Variants in IKZF2 observed in about 807,000 individuals in gnomAD.
IKZF2 encodes IKAROS family zinc finger 2, also known as zinc finger protein Helios.
Under a neutral mutation model 49.2 loss-of-function variants are expected in IKZF2, and 15 were observed. The ratio of observed to expected loss-of-function variants is 0.30; its 90% CI spans 0.20 to 0.47. The LOEUF is 0.47. Among genes scored for constraint, IKZF2 ranks in the 20% least tolerant of loss-of-function variants. The pLI is 1.00. For synonymous variants in IKZF2, 227 were observed against 221.4 expected (o/e 1.03, Z -0.23); for missense variants, 567 against 664.6 (o/e 0.85, Z 1.61).
chr2:213,035,209 C>T (rs1174984277), intron 6 of IKZF2, among the ~76,000 whole-genome samples: 1 of 151,916 alleles, frequency 6.6e-6, no homozygotes, highest in African/African-American at 2.4e-5. Context: ...ATATGGAAAA[C>T]TCAAGGTACT....
chr2:213,088,690 G>A (rs564000579), intron 4 of IKZF2, among the ~76,000 whole-genome samples: 3 of 152,174 alleles, frequency 2.0e-5, no homozygotes, highest in South Asian at 2.1e-4. Flanking sequence ...CCCAGAAGGC[G>A]GAGGTTGCAG....
chr2:213,130,135 C>A (rs541474406), intron 4 of IKZF2, among the ~76,000 whole-genome samples: 1 of 152,272 alleles, frequency 6.6e-6, no homozygotes, highest in South Asian at 2.1e-4. Flanking sequence ...GACACTAGAT[C>A]TTGTTGTTCT....
chr2:213,121,481 T>C (rs1482558779), intron 4 of IKZF2, among the ~76,000 whole-genome samples: 1 of 152,208 alleles, frequency 6.6e-6, no homozygotes, highest in Non-Finnish European at 1.5e-5. Flanking sequence ...AGTAATTCAA[T>C]GTGGAAGCTG....
chr2:213,073,746 G>A (rs915445795), intron 4 of IKZF2, among the ~76,000 whole-genome samples: 3 of 152,178 alleles, frequency 2.0e-5, no homozygotes, highest in African/African-American at 7.2e-5. Flanking sequence ...GTCTTGCTCT[G>A]TCGCCAGGTC....
intron 5 of IKZF2, among the ~76,000 whole-genome samples, chr2:213,055,657 A>T (rs1186418854): frequency 6.6e-6 from 1 of 152,012 alleles, no homozygotes; most frequent in Non-Finnish European, 1.5e-5. Flanking sequence ...AGTGTGTCTG[A>T]ACAAAACCAG....
chr2:213,067,162 G>A (rs1221110234), intron 4 of IKZF2, among the ~76,000 whole-genome samples: 1 of 152,034 alleles, frequency 6.6e-6, no homozygotes, highest in East Asian at 1.9e-4. Context: ...CTGCCTCCTA[G>A]GGTTGTCCTG....
intron 4 of IKZF2, among the ~76,000 whole-genome samples, chr2:213,136,676 T>C (rs1456628340): frequency 1.3e-5 from 2 of 152,166 alleles, no homozygotes; most frequent in Non-Finnish European, 2.9e-5. Flanking sequence ...GTCTTTTCTT[T>C]AAATTACACA....
rs1373562912 is a variant in IKZF2 at position 213,007,463 on chromosome 2, T to C, written c.1478A>G (p.His493Arg). 1 of 1,613,594 alleles carries C rather than the reference T, an allele frequency of 6.2e-7. No homozygotes were observed. Among genetic ancestry groups the C allele is most frequent in the South Asian group, 1.1e-5 (1 of 91,074 alleles). ...HVMYTIHMGCHGYRDPLECNI... is the reference protein window; with the variant it reads ...HVMYTIHMGCRGYRDPLECNI... ...GCATTCCAGTGGGTCCCGGTAGCCATGGCAACCCATGTGAATGGTGTACAT... is the reference window on the plus strand; with the variant it reads ...GCATTCCAGTGGGTCCCGGTAGCCACGGCAACCCATGTGAATGGTGTACAT... Residue 493 changes from histidine (H) to arginine (R), a missense_variant, in exon 9 of 9, where the codon CAT (histidine) becomes CGT (arginine). Physicochemically the swap from His to Arg is conservative, Grantham distance 29. This residue lies in a region of IKZF2 where 22 missense variants were observed against 52.3 expected (regional missense o/e 0.42). Transcript: ENST00000434687.
At chr2:213,019,029 A>T (rs372262549) in intron 7 of IKZF2, among the ~76,000 whole-genome samples, 1 of 152,136 alleles carries the variant, frequency 6.6e-6, no homozygotes, top group East Asian at 1.9e-4. Context: ...AAGTAAGTGT[A>T]TTAAAAGACT....
chr2:213,061,493 TA>T (rs376159502), intron 4 of IKZF2, among the ~76,000 whole-genome samples: 79 of 145,276 alleles, frequency 5.4e-4, no homozygotes, highest in East Asian at 1.4e-3. Flanking sequence ...CTTGAAAAAG[TA>T]AAAAAAAAAA....
chr2:213,114,615 T>C (rs922296419), intron 4 of IKZF2, among the ~76,000 whole-genome samples: 4 of 152,096 alleles, frequency 2.6e-5, no homozygotes, highest in African/African-American at 9.7e-5. Context: ...AATATGATTT[T>C]GATCAATGCA....
At chr2:213,050,154 T>C (rs1389894154) in intron 5 of IKZF2, among the ~76,000 whole-genome samples, 1 of 152,192 alleles carries the variant, frequency 6.6e-6, no homozygotes, top group Non-Finnish European at 1.5e-5. Flanking sequence ...TTATCATTGG[T>C]TGAACAATGA....
At chr2:213,144,783 A>C (rs1057506573) in intron 4 of IKZF2, among the ~76,000 whole-genome samples, 36 of 151,972 alleles carry the variant, frequency 2.4e-4, no homozygotes, top group African/African-American at 8.7e-4. Flanking sequence ...AAAAAGTTTA[A>C]AGTTCTCTAA....
chr2:213,143,877 T>G (rs1347974831), intron 4 of IKZF2, among the ~76,000 whole-genome samples: 2 of 151,966 alleles, frequency 1.3e-5, no homozygotes, highest in East Asian at 3.8e-4. Flanking sequence ...GGGCCAGTAT[T>G]GGACACGGCA....
intron 6 of IKZF2, among the ~76,000 whole-genome samples, chr2:213,043,735 G>C (rs1183910046): frequency 2.0e-5 from 3 of 152,182 alleles, no homozygotes; most frequent in African/African-American, 7.2e-5. Flanking sequence ...TAGGGTGCGT[G>C]CCTATGAGAA....
At chr2:213,025,931 T>A (rs985836745) in intron 6 of IKZF2, among the ~76,000 whole-genome samples, 2 of 152,164 alleles carry the variant, frequency 1.3e-5, no homozygotes, top group Non-Finnish European at 2.9e-5. Flanking sequence ...ATTCTCACAA[T>A]CAACGTCCTA....
intron 6 of IKZF2, among the ~76,000 whole-genome samples, chr2:213,028,372 G>C (rs1698041455): frequency 6.6e-6 from 1 of 152,118 alleles, no homozygotes; most frequent in Admixed American, 6.6e-5. Flanking sequence ...TCCAAACAAA[G>C]TTTGTAATCA....
intron 6 of IKZF2, among the ~76,000 whole-genome samples, chr2:213,040,486 T>G (rs1361723382): frequency 6.6e-6 from 1 of 152,134 alleles, no homozygotes; most frequent in East Asian, 1.9e-4. Flanking sequence ...TCTTCTGTTT[T>G]AAACCTTTAA....
At chr2:213,024,923 T>C (rs1278411944) in intron 6 of IKZF2, among the ~76,000 whole-genome samples, 1 of 152,136 alleles carries the variant, frequency 6.6e-6, no homozygotes, top group East Asian at 1.9e-4. Context: ...TTAATACATA[T>C]AACATATATA....
Sources: gnomAD v4.1 joint callset for allele counts (sites outside exome capture counted in the v4.1 genomes callset) on GRCh38, gnomAD v4.1.1 for gene constraint, gnomAD v4.1.1 regional missense constraint, MANE v1.5 for transcripts, NCBI Gene and HGNC (gene_info 2026-07-23, HGNC 2026-07-21) for gene names.